CYREN: variants seen among roughly 807,000 people sequenced by gnomAD.
The protein encoded by CYREN is cell cycle regulator of non-homologous end joining.
In CYREN, 7 loss-of-function variants were observed where a neutral mutation model predicts 9.7. The ratio of observed to expected loss-of-function variants is 0.72; its 90% CI spans 0.41 to 1.36. CYREN has a LOEUF of 1.36. Among genes scored for constraint, CYREN ranks in the 40% most tolerant of loss-of-function variants. CYREN has a pLI of 0.01. For synonymous variants in CYREN, 76 were observed against 77.9 expected, an observed-to-expected ratio of 0.98 and a Z score of 0.13; for missense variants, 215 against 198.1, an observed-to-expected ratio of 1.09 and a Z score of -0.51.
At chr7:135,106,075 T>C (rs1016645965) in intron 2 of CYREN, among the ~76,000 whole-genome samples, 4 of 152,220 alleles carry the variant, frequency 2.6e-5, no homozygotes, top group Non-Finnish European at 5.9e-5. Flanking sequence ...GTGATTTTTG[T>C]ACATTGATTT....
chr7:135,168,541 T>G (rs1048167609), intron 2 of CYREN: 1 of 523,880 alleles, frequency 1.9e-6, no homozygotes, highest in South Asian at 2.8e-5. Context: ...GAGAACCCAC[T>G]CTGTGTGTGC....
At chr7:135,164,630 G>C, downstream of CYREN, 2 of 1,613,752 alleles carry the variant, frequency 1.2e-6, no homozygotes, top group Non-Finnish European at 1.7e-6. Flanking sequence ...GCACCCTACA[G>C]TGTCACCAGT....
rs200823046 is a variant in CYREN at position 135,139,416 on chromosome 7, C to CT, written n.356+29332dup. Among the ~76,000 whole-genome samples the CT allele has an allele frequency of 3.3e-3, 480 of 143,874 alleles. 2 individuals are homozygous for CT. The highest frequency in any genetic ancestry group is 0.014 in the Middle Eastern group (4 of 282). 94.4% of individuals were successfully genotyped at this position (143,874 alleles called of 152,430 possible). A position where few individuals can be genotyped will look rare whatever the true frequency, so the allele number is the denominator to read the frequency against. On this transcript the variant is annotated intron_variant and non_coding_transcript_variant, in intron 2 of 2. Coordinates refer to the CYREN transcript ENST00000459937. ...GAAGTGTCTATTCGTGTCCTTTGCC[C>CT]TTTTTTTTTTAATGAGGTTGTTTTT...
At chr7:135,144,961 AAAAAAAAAG>A (rs1210203380) in intron 2 of CYREN, among the ~76,000 whole-genome samples, 1 of 147,974 alleles carries the variant, frequency 6.8e-6, no homozygotes, top group African/African-American at 2.5e-5. Context: ...AAAAAAAAAA[AAAAAAAAAG>A]AAGAGGAACA....
chr7:135,130,906 TGGC>T (rs1174749021), intron 2 of CYREN, among the ~76,000 whole-genome samples: 1 of 152,172 alleles, frequency 6.6e-6, no homozygotes, highest in Non-Finnish European at 1.5e-5. Context: ...CGTTGGTGGG[TGGC>T]TTAGAAGCAA....
chr7:135,156,812 T>C (rs1010849468), intron 2 of CYREN, among the ~76,000 whole-genome samples: 1 of 152,194 alleles, frequency 6.6e-6, no homozygotes, highest in Non-Finnish European at 1.5e-5. Context: ...TCAACTTGAA[T>C]TGTAGCTCCC....
At chr7:135,171,044 GC>G, upstream of CYREN, among the ~76,000 whole-genome samples, 1 of 152,312 alleles carries the variant, frequency 6.6e-6, no homozygotes, top group South Asian at 2.1e-4. Flanking sequence ...CAGAAACCAG[GC>G]GAAGCTCCCT....
intron 2 of CYREN, among the ~76,000 whole-genome samples, chr7:135,105,624 G>T (rs1466640554): frequency 6.6e-6 from 1 of 152,150 alleles, no homozygotes; most frequent in East Asian, 1.9e-4. Context: ...TGCTGTTTTG[G>T]TTACTATAGC....
intron 2 of CYREN, among the ~76,000 whole-genome samples, chr7:135,095,772 A>G (rs970153976): frequency 9.9e-5 from 15 of 152,188 alleles, no homozygotes; most frequent in Non-Finnish European, 1.5e-5. Context: ...GCTGCTCACA[A>G]TAATGGATCA....
chr7:135,142,431 C>T (rs1357259178), intron 2 of CYREN, among the ~76,000 whole-genome samples: 1 of 152,092 alleles, frequency 6.6e-6, no homozygotes, highest in Non-Finnish European at 1.5e-5. Flanking sequence ...TTCTGATCAA[C>T]AATAGGCTAT....
intron 2 of CYREN, among the ~76,000 whole-genome samples, chr7:135,142,594 C>T (rs1829472935): frequency 6.6e-6 from 1 of 152,006 alleles, no homozygotes; most frequent in Non-Finnish European, 1.5e-5. Context: ...ATAACAACAA[C>T]AAAAACTGGG....
chr7:135,124,838 C>G (rs572333923), intron 2 of CYREN, among the ~76,000 whole-genome samples: 19 of 152,182 alleles, frequency 1.2e-4, no homozygotes, highest in Non-Finnish European at 2.2e-4. Context: ...TCAAGAAGTT[C>G]TTTGAAACCA....
chr7:135,127,977 T>C (rs1464656709), intron 2 of CYREN, among the ~76,000 whole-genome samples: 1 of 152,002 alleles, frequency 6.6e-6, no homozygotes. Flanking sequence ...ATATACACCA[T>C]GGAATACTAT....
intron 2 of CYREN, chr7:135,135,359 A>C: frequency 1.8e-6 from 2 of 1,138,184 alleles, no homozygotes; most frequent in Non-Finnish European, 1.2e-6. Context: ...CCCTTTCCCT[A>C]TCTCTCCCCT....
chr7:135,156,449 G>C (rs756204181), intron 2 of CYREN, among the ~76,000 whole-genome samples: 1 of 151,748 alleles, frequency 6.6e-6, no homozygotes, highest in Non-Finnish European at 1.5e-5. Flanking sequence ...CAAAAGTCCT[G>C]TCTTCGAGTT....
At chr7:135,169,836 T>G (rs1830519982) in intron 1 of CYREN, among the ~76,000 whole-genome samples, 2 of 152,162 alleles carry the variant, frequency 1.3e-5, no homozygotes, top group Non-Finnish European at 2.9e-5. Context: ...TCAGCGATAG[T>G]CCTCTCTGAA....
At chr7:135,157,260 A>G (rs977587555) in intron 2 of CYREN, among the ~76,000 whole-genome samples, 20 of 152,218 alleles carry the variant, frequency 1.3e-4, no homozygotes, top group African/African-American at 4.6e-4. Flanking sequence ...GGATATATGC[A>G]TGTTGTTAAG....
chr7:135,107,085 T>G (rs1286539673), intron 2 of CYREN, among the ~76,000 whole-genome samples: 1 of 152,162 alleles, frequency 6.6e-6, no homozygotes, highest in Non-Finnish European at 1.5e-5. Context: ...TTGTGATTCT[T>G]TGGATCTTCT....
chr7:135,129,560 G>C (rs1828439653), intron 2 of CYREN: 10 of 772,216 alleles, frequency 1.3e-5, no homozygotes, highest in South Asian at 1.2e-4. Context: ...ATTTCTGTTG[G>C]ATTTGCATGA....
Sources: gnomAD v4.1 joint callset for allele counts (sites outside exome capture counted in the v4.1 genomes callset) on GRCh38, gnomAD v4.1.1 for gene constraint, MANE v1.5 for transcripts, NCBI Gene and HGNC (gene_info 2026-07-23, HGNC 2026-07-21) for gene names.